PKNOX1: variants seen among roughly 807,000 people sequenced by gnomAD.
PKNOX1 encodes PBX/knotted 1 homeobox 1, also known as homeobox protein PKNOX1.
In PKNOX1, 15 loss-of-function variants were observed where a neutral mutation model predicts 51.9. The observed-to-expected ratio is 0.29, with a 90% CI of 0.19 to 0.45. The LOEUF (loss-of-function observed/expected upper bound fraction) is 0.45. PKNOX1 is among the 20% of genes least tolerant of loss of function. The probability of loss-of-function intolerance (pLI) is 1.00; values close to 1 mark genes in which losing one functional copy is unlikely to be tolerated. For synonymous variants in PKNOX1, 219 were observed against 211.1 expected, an observed-to-expected ratio of 1.04 and a Z score of -0.32; for missense variants, 462 against 547.5, an observed-to-expected ratio of 0.84 and a Z score of 1.56.
chr21:42,989,604 A>C (rs2059075054), intron 1 of PKNOX1, among the ~76,000 whole-genome samples: 1 of 151,862 alleles, frequency 6.6e-6, no homozygotes, highest in African/African-American at 2.4e-5. Flanking sequence ...TTTTTAGTAG[A>C]GATGGGGTTT....
intron 1 of PKNOX1, among the ~76,000 whole-genome samples, chr21:42,996,383 A>T (rs1188492243): frequency 2.0e-5 from 3 of 152,158 alleles, no homozygotes; most frequent in Non-Finnish European, 4.4e-5. Context: ...ACCTAACAGG[A>T]TTCTTGTGGA....
intron 1 of PKNOX1, among the ~76,000 whole-genome samples, chr21:42,993,243 C>G (rs1278470935): frequency 2.0e-5 from 3 of 152,142 alleles, no homozygotes; most frequent in African/African-American, 7.2e-5. Flanking sequence ...CCCTCACTGC[C>G]CCTTTCCTCC....
intron 1 of PKNOX1, among the ~76,000 whole-genome samples, chr21:42,975,890 A>G (rs1012909701): frequency 1.5e-4 from 23 of 152,208 alleles, no homozygotes; most frequent in Non-Finnish European, 2.8e-4. Flanking sequence ...TACTTTCATG[A>G]TTTTTCCTGG....
intron 6 of PKNOX1, chr21:43,017,883 A>C: frequency 2.8e-6 from 1 of 354,768 alleles, no homozygotes; most frequent in Non-Finnish European, 5.1e-6. Flanking sequence ...TAAAAAGCTC[A>C]TCAAACCAGG....
intron 9 of PKNOX1, among the ~76,000 whole-genome samples, chr21:43,027,251 T>C (rs1354387862): frequency 6.6e-6 from 1 of 152,216 alleles, no homozygotes; most frequent in Non-Finnish European, 1.5e-5. Context: ...TTGGTATTGC[T>C]GCTTTTGCGT....
At chr21:42,996,538 C>A (rs1299903026) in intron 1 of PKNOX1, among the ~76,000 whole-genome samples, 1 of 151,548 alleles carries the variant, frequency 6.6e-6, no homozygotes, top group Non-Finnish European at 1.5e-5. Context: ...GATGCTGAGA[C>A]TTAAAAATGG....
chr21:43,011,941 A>G (rs1979274110), intron 4 of PKNOX1, among the ~76,000 whole-genome samples: 1 of 152,092 alleles, frequency 6.6e-6, no homozygotes, highest in South Asian at 2.1e-4. Context: ...CCATTGGCCC[A>G]CACCTGGCTT....
At chr21:43,020,837 G>A (rs1749659419) in intron 7 of PKNOX1, among the ~76,000 whole-genome samples, 1 of 152,242 alleles carries the variant, frequency 6.6e-6, no homozygotes. Context: ...TGCCTGCAGA[G>A]GATGGGCTCT....
intron 9 of PKNOX1, among the ~76,000 whole-genome samples, chr21:43,028,135 T>C (rs1406754632): frequency 2.6e-5 from 4 of 152,164 alleles, no homozygotes; most frequent in Non-Finnish European, 5.9e-5. Flanking sequence ...CAGCTCATCA[T>C]TGGGAATGGT....
chr21:43,029,506 A>C lies in PKNOX1; in HGVS notation c.1100-384A>C, dbSNP rs1437940317. On this transcript the variant is annotated intron_variant, in intron 10 of 10. Coordinates refer to ENST00000291547, the MANE Select transcript of PKNOX1 (RefSeq NM_004571.5). ...GCAATGGCGCAATCTCGGCTCACTG[A>C]AACCTCTGCCTACCAGGTTCCCGCC... Among the ~76,000 whole-genome samples the C allele has an allele frequency of 5.1e-5, 7 of 138,566 alleles. No homozygotes were observed. In the East Asian group the frequency reaches 8.7e-4, roughly 17 times the overall value. 90.9% of individuals were successfully genotyped at this position (138,566 alleles called of 152,430 possible). A position where few individuals can be genotyped will look rare whatever the true frequency, so the allele number is the denominator to read the frequency against.
At chr21:42,986,149 G>T (rs1022611084) in intron 1 of PKNOX1, among the ~76,000 whole-genome samples, 1 of 152,082 alleles carries the variant, frequency 6.6e-6, no homozygotes, top group Non-Finnish European at 1.5e-5. Flanking sequence ...CAGGATTTAC[G>T]ATCTATGATT....
chr21:42,992,014 A>G (rs1381051673), intron 1 of PKNOX1, among the ~76,000 whole-genome samples: 1 of 152,206 alleles, frequency 6.6e-6, no homozygotes, highest in Non-Finnish European at 1.5e-5. Context: ...GCCACAGGAC[A>G]TCACTTTCTT....
intron 3 of PKNOX1, 128 bp downstream of exon 3, chr21:43,007,746 C>T (rs539195473): frequency 4.5e-5 from 46 of 1,020,996 alleles, no homozygotes; most frequent in South Asian, 2.3e-4. Flanking sequence ...GATAACTGCT[C>T]GGCTGAAAAT....
At chr21:43,016,392 C>T (rs966201749) in intron 5 of PKNOX1, among the ~76,000 whole-genome samples, 4 of 152,226 alleles carry the variant, frequency 2.6e-5, no homozygotes, top group South Asian at 2.1e-4. Context: ...ACACTTAGTC[C>T]GTGCCGGGGT....
intron 1 of PKNOX1, among the ~76,000 whole-genome samples, chr21:42,986,202 G>C (rs1466969979): frequency 1.3e-5 from 2 of 151,866 alleles, no homozygotes; most frequent in African/African-American, 2.4e-5. Flanking sequence ...GCCAAACCTT[G>C]TTTGAAAAAT....
intron 6 of PKNOX1, 171 bp downstream of exon 6, chr21:43,017,178 A>G: frequency 4.6e-6 from 2 of 436,030 alleles, no homozygotes; most frequent in Non-Finnish European, 8.2e-6. Flanking sequence ...TCAATAACAA[A>G]TATTTTATGC....
At chr21:42,975,934 G>A (rs1026079121) in intron 1 of PKNOX1, among the ~76,000 whole-genome samples, 2 of 152,220 alleles carry the variant, frequency 1.3e-5, no homozygotes, top group Non-Finnish European at 2.9e-5. Context: ...TAAACATAAG[G>A]AAGAATCGAG....
chr21:42,984,073 CGTGTGTGTGCGTGTGT>C (rs1228551989), intron 1 of PKNOX1, among the ~76,000 whole-genome samples: 16 of 38,344 alleles, frequency 4.2e-4, no homozygotes, highest in South Asian at 2.3e-3. Context: ...TACGTGTGTG[CGTGTGTGTGCGTGTGT>C]GTGTGTGTGT....
chr21:43,008,429 G>T (rs2146267328), intron 3 of PKNOX1, among the ~76,000 whole-genome samples: 1 of 152,270 alleles, frequency 6.6e-6, no homozygotes, highest in South Asian at 2.1e-4. Context: ...TATGTAAAAA[G>T]AATAATACGT....
Sources: allele counts gnomAD v4.1 joint callset (sites outside exome capture counted in the v4.1 genomes callset), GRCh38; gene constraint gnomAD v4.1.1; transcripts MANE v1.5; gene names NCBI Gene and HGNC (gene_info 2026-07-23, HGNC 2026-07-21).